SYN2: variants seen among roughly 807,000 people sequenced by gnomAD.
SYN2 encodes synapsin II, also known as synapsin-2.
In SYN2, 19 loss-of-function variants were observed where a neutral mutation model predicts 50.9. The ratio of observed to expected loss-of-function variants is 0.37; its 90% CI spans 0.26 to 0.55. The LOEUF is 0.55. Among genes scored for constraint, SYN2 ranks in the 20% least tolerant of loss-of-function variants. SYN2 has a pLI of 0.81. For synonymous variants in SYN2, 255 were observed against 224.9 expected (o/e 1.13, Z -1.20); for missense variants, 587 against 576.4 (o/e 1.02, Z -0.19).
chr3:12,187,423 G>A lies in SYN2; in HGVS notation c.1424G>A (p.Arg475His), dbSNP rs368453740. The change falls in exon 12 of 13, where the codon CGC becomes CAC. Residue 475 changes from arginine to histidine, a missense_variant. By Grantham distance (29) the Arg-to-His change is conservative. Coordinates refer to ENST00000621198, the MANE Select transcript of SYN2 (RefSeq NM_133625.6). ...CCCCCAGGCAAGGTGCTGCCTCCAC[G>A]CCGGCTCCCCCCTGGACCATCACTG... is the stretch of plus-strand genomic sequence containing the variant. Reference protein sequence around the residue: ...MQPPGKVLPPRRLPPGPSLPP... With the variant: ...MQPPGKVLPPHRLPPGPSLPP... 1.9e-5 allele frequency: 30 copies of A among 1,551,770 alleles called. No individual in the cohort carries two copies. The Admixed American group carries it at 4.7e-4, about 24-fold the overall frequency.
At chr3:12,150,940 T>A (rs4684841) in intron 4 of SYN2, among the ~76,000 whole-genome samples, 142,205 of 152,268 alleles carry the variant, frequency 0.93, 66,493 homozygotes, top group East Asian at 1. Context: ...AAGTTTTGTA[T>A]CCTCTCTGGG....
intron 1 of SYN2, among the ~76,000 whole-genome samples, chr3:12,059,642 G>A (rs1265850907): frequency 6.6e-6 from 1 of 152,024 alleles, no homozygotes; most frequent in Non-Finnish European, 1.5e-5. Context: ...TTCTACAGGG[G>A]AATCAAACAT....
At chr3:12,038,625 A>G (rs984992014) in intron 1 of SYN2, among the ~76,000 whole-genome samples, 1 of 152,010 alleles carries the variant, frequency 6.6e-6, no homozygotes, top group East Asian at 1.9e-4. Flanking sequence ...TCTTGTACTT[A>G]TTTTAAAATT....
chr3:12,161,883 T>A (rs997786060), intron 6 of SYN2, 129 bp from the exon 7 acceptor site: 2 of 1,340,054 alleles, frequency 1.5e-6, no homozygotes, highest in South Asian at 2.9e-5. Context: ...CCTGGGGAGA[T>A]GTGGCACCCA....
intron 7 of SYN2, among the ~76,000 whole-genome samples, chr3:12,162,963 A>G (rs997606652): frequency 2.0e-5 from 3 of 152,294 alleles, no homozygotes; most frequent in South Asian, 2.1e-4. Context: ...ACAGTGGGCC[A>G]GGCGCGGTGG....
intron 1 of SYN2, among the ~76,000 whole-genome samples, chr3:12,126,994 G>A (rs1052107247): frequency 2.6e-5 from 4 of 152,006 alleles, no homozygotes; most frequent in African/African-American, 9.7e-5. Context: ...ACAAATAATA[G>A]GTGCCTAATC....
intron 1 of SYN2, among the ~76,000 whole-genome samples, chr3:12,043,749 T>G (rs908334980): frequency 1.3e-5 from 2 of 152,194 alleles, no homozygotes; most frequent in Non-Finnish European, 2.9e-5. Flanking sequence ...AGACATATCA[T>G]ATGACCTTTC....
intron 11 of SYN2, 95 bp downstream of exon 11, chr3:12,183,467 C>G (rs187858855): frequency 6.2e-7 from 1 of 1,608,460 alleles, no homozygotes; most frequent in Non-Finnish European, 8.5e-7. Flanking sequence ...TTTTTCAAAG[C>G]AGAAATTTTA....
intron 1 of SYN2, among the ~76,000 whole-genome samples, chr3:12,118,483 G>T (rs1696483226): frequency 6.6e-6 from 1 of 152,202 alleles, no homozygotes; most frequent in Non-Finnish European, 1.5e-5. Flanking sequence ...CAGGCCCAGA[G>T]AGATGGAAAA....
At chr3:12,049,388 A>C (rs112361850) in intron 1 of SYN2, among the ~76,000 whole-genome samples, 13,747 of 151,962 alleles carry the variant, frequency 0.09, 2,040 homozygotes, top group African/African-American at 0.31. Flanking sequence ...TGTGGTGACA[A>C]GTGCCTGTAA....
At chr3:12,126,033 T>C (rs1479660819) in intron 1 of SYN2, among the ~76,000 whole-genome samples, 1 of 152,198 alleles carries the variant, frequency 6.6e-6, no homozygotes, top group East Asian at 1.9e-4. Flanking sequence ...GTGAAGATAG[T>C]CATATACCAA....
chr3:12,044,565 C>T (rs1343174598), intron 1 of SYN2, among the ~76,000 whole-genome samples: 1 of 152,068 alleles, frequency 6.6e-6, no homozygotes, highest in East Asian at 1.9e-4. Context: ...TTTGATGAAA[C>T]AATTAGAACC....
intron 1 of SYN2, among the ~76,000 whole-genome samples, chr3:12,069,836 T>G (rs1462269666): frequency 6.6e-6 from 1 of 151,346 alleles, no homozygotes; most frequent in Non-Finnish European, 1.5e-5. Flanking sequence ...AGACAGAGTC[T>G]CTTTCTGTCT....
intron 1 of SYN2, among the ~76,000 whole-genome samples, chr3:12,076,209 AAAT>A (rs1695464468): frequency 6.6e-6 from 1 of 152,086 alleles, no homozygotes. Context: ...GAGGCTAATG[AAAT>A]AATACCAGTG....
intron 1 of SYN2, among the ~76,000 whole-genome samples, chr3:12,090,959 T>G (rs1456994891): frequency 6.6e-6 from 1 of 152,216 alleles, no homozygotes; most frequent in Admixed American, 6.5e-5. Flanking sequence ...TCCATAATAT[T>G]GTGTTCCATA....
chr3:12,077,189 CT>C lies in SYN2; in HGVS notation c.378-63460del, dbSNP rs1248123850. On this transcript the variant is annotated intron_variant, in intron 1 of 12. Transcript: ENST00000621198. ...TTAATATGTAAAGTTAAGCATTGAG[CT>C]TGGTATCAGTGACCCAATTAAGATG... Among the ~76,000 whole-genome samples, 5 of 152,078 alleles carry C rather than the reference CT, an allele frequency of 3.3e-5. No individual in the cohort carries two copies. In the East Asian group the frequency reaches 9.7e-4, roughly 29 times the overall value.
intron 5 of SYN2, among the ~76,000 whole-genome samples, chr3:12,154,962 A>G (rs1697413469): frequency 6.9e-6 from 1 of 145,166 alleles, no homozygotes; most frequent in Non-Finnish European, 1.5e-5. Flanking sequence ...CCTGCTCTAG[A>G]TTGGTGAGTC....
At chr3:12,142,687 G>C (rs920172837) in intron 3 of SYN2, among the ~76,000 whole-genome samples, 1 of 152,204 alleles carries the variant, frequency 6.6e-6, no homozygotes, top group Non-Finnish European at 1.5e-5. Context: ...GGAAAGTGGC[G>C]GAGCTGGGAG....
At chr3:12,032,880 T>G (rs1438065831) in intron 1 of SYN2, among the ~76,000 whole-genome samples, 1 of 95,656 alleles carries the variant, frequency 1.0e-5, no homozygotes, top group Non-Finnish European at 2.1e-5. Flanking sequence ...TTCTCTCAGC[T>G]CGTCAAAATC....
Sources: gnomAD v4.1 joint callset for allele counts (sites outside exome capture counted in the v4.1 genomes callset) on GRCh38, gnomAD v4.1.1 for gene constraint, MANE v1.5 for transcripts, NCBI Gene and HGNC (gene_info 2026-07-23, HGNC 2026-07-21) for gene names.